Variants in PIGZ observed in about 807,000 individuals in gnomAD.
The protein encoded by PIGZ is phosphatidylinositol glycan anchor biosynthesis class Z (Gwada blood group), also known as GPI alpha-1,2-mannosyltransferase 4.
Under a neutral mutation model 16.4 loss-of-function variants are expected in PIGZ, and 16 were observed. The ratio of observed to expected loss-of-function variants is 0.97; its 90% confidence interval spans 0.66 to 1.48. The LOEUF (loss-of-function observed/expected upper bound fraction) is 1.48, where lower values mean the gene tolerates loss of function less well. PIGZ is among the 40% of genes most tolerant of loss of function. The pLI is 0.00. For missense variants in PIGZ, 770 were observed against 739.2 expected (o/e 1.04, Z -0.48); for synonymous variants, 409 against 338.4 (o/e 1.21, Z -2.29).
chr3:196,964,344 C>T (rs1400194227), intron 1 of PIGZ, among the ~76,000 whole-genome samples: 3 of 152,144 alleles, frequency 2.0e-5, no homozygotes, highest in Non-Finnish European at 2.9e-5. Context: ...CCACCGTGCC[C>T]GGCCTAGCAC....
rs749553975 is a variant in PIGZ, at chr3:196,948,269, G to A, written c.628C>T (p.Arg210Trp). 13 of 1,614,034 alleles carry A rather than the reference G, an allele frequency of 8.1e-6. No individual in the cohort carries two copies. The highest frequency in any genetic ancestry group is 4.5e-5 in the East Asian group (2 of 44,890). ...CCTCCAAGAAGCCAGCTGCGCCACC[G>A]TGGACCCGGCGCCGGCTCCTTGCGT... ...PTRKEPAPGP[R>W]WRSWLLGGIV... Residue 210 changes from arginine to tryptophan, a missense_variant, in exon 3 of 3, where the codon CGG (arginine) becomes TGG (tryptophan). Arg to Trp is a moderately radical substitution (Grantham distance 101). Transcript: ENST00000412723.
intron 1 of PIGZ, among the ~76,000 whole-genome samples, chr3:196,962,930 C>T (rs1364125025): frequency 1.3e-5 from 2 of 152,170 alleles, no homozygotes; most frequent in African/African-American, 2.4e-5. Flanking sequence ...TGCTGAGTGC[C>T]GGTCCCCTGG....
intron 1 of PIGZ, among the ~76,000 whole-genome samples, chr3:196,962,062 T>A (rs929914723): frequency 6.6e-6 from 1 of 152,192 alleles, no homozygotes; most frequent in Admixed American, 6.5e-5. Context: ...GAAAGAGAGA[T>A]CAGACTGTTA....
chr3:196,948,662 CG>C lies in PIGZ; in HGVS notation c.234del (p.Ala79ArgfsTer20). 6.9e-7 allele frequency: 1 copy of C among 1,459,062 alleles called. No homozygotes were observed. Among genetic ancestry groups the C allele is most frequent in the Non-Finnish European group, 9.0e-7 (1 of 1,108,054 alleles). 90.4% of individuals were successfully genotyped at this position (1,459,062 alleles called of 1,614,324 possible). ...VMAEDILGVQ[A>X]ARPWEFYPSS... ...CTGGGGTAAAACTCCCAGGGCCGCGCGGCCTGAACGCCCAGGATGTCCTCTG... is the reference window on the plus strand; with the variant it reads ...CTGGGGTAAAACTCCCAGGGCCGCGCGCCTGAACGCCCAGGATGTCCTCTG... On this transcript the variant is annotated frameshift_variant, in exon 3 of 3. Transcript: ENST00000412723. LOFTEE classifies it low-confidence loss of function (END_TRUNC).
rs1383619669 is a variant in PIGZ, at chr3:196,947,215, C to G, written c.1682G>C (p.Ser561Thr). The change falls in exon 3 of 3, where the codon AGT becomes ACT. Residue 561 changes from serine (S) to threonine (T), a missense_variant. Coordinates refer to ENST00000412723, the MANE Select transcript of PIGZ (RefSeq NM_025163.4). ...EDPPALSSLL[S>T]GAWRDHLSLH... ...ACTGAGGTGGTCCCTCCAAGCCCCA[C>G]TCAGCAAGGAGGACAGGGCTGGTGG... 5 of 1,599,918 alleles carry G rather than the reference C, an allele frequency of 3.1e-6. No individual in the cohort carries two copies. The highest frequency in any genetic ancestry group is 4.3e-6 in the Non-Finnish European group (5 of 1,172,424).
rs766182060 is a variant in PIGZ, at chr3:196,947,532, G to T, written c.1365C>A (p.Pro455=). The T allele has an allele frequency of 2.5e-6, 4 of 1,613,746 alleles. No individual in the cohort carries two copies. The highest frequency in any genetic ancestry group is 3.4e-6 in the Non-Finnish European group (4 of 1,180,000). Residue 455 remains proline, a synonymous_variant, in exon 3 of 3, where the codon CCC becomes CCA. Coordinates refer to ENST00000412723, the MANE Select transcript of PIGZ (RefSeq NM_025163.4). ...VVHAPVLPST[P]THYTLLFTHT... is the part of the protein sequence containing the mutation. Reference sequence around the variant, plus strand: ...GAGTGAAGAGGAGTGTGTAGTGGGTGGGTGTGCTTGGGAGCACAGGGGCAT... The same window carrying T: ...GAGTGAAGAGGAGTGTGTAGTGGGTTGGTGTGCTTGGGAGCACAGGGGCAT...
intron 2 of PIGZ, among the ~76,000 whole-genome samples, chr3:196,949,546 C>A (rs985603537): frequency 6.6e-6 from 1 of 152,244 alleles, no homozygotes; most frequent in African/African-American, 2.4e-5. Context: ...CAGACAAGAA[C>A]TCAGCCCAGT....
chr3:196,955,629 T>C (rs965159865), intron 1 of PIGZ, among the ~76,000 whole-genome samples: 4 of 147,680 alleles, frequency 2.7e-5, no homozygotes, highest in Non-Finnish European at 5.9e-5. Flanking sequence ...CAGGCTGGAG[T>C]GCAGTGGCAT....
intron 1 of PIGZ, among the ~76,000 whole-genome samples, chr3:196,964,546 TG>T (rs1717852995): frequency 6.7e-6 from 1 of 150,046 alleles, no homozygotes; most frequent in Non-Finnish European, 1.5e-5. Context: ...TTAGTAGAGA[TG>T]GGGTTTCACC....
chr3:196,951,055 CTT>C (rs1166688152), intron 2 of PIGZ, among the ~76,000 whole-genome samples: 2 of 152,208 alleles, frequency 1.3e-5, no homozygotes, highest in African/African-American at 4.8e-5. Context: ...TCCTTTGACT[CTT>C]TTTCTGGGCA....
intron 1 of PIGZ, among the ~76,000 whole-genome samples, chr3:196,960,766 A>AG: frequency 6.6e-6 from 1 of 151,974 alleles, no homozygotes; most frequent in Non-Finnish European, 1.5e-5. Flanking sequence ...AAAGAAAGAA[A>AG]AGAAAACAAC....
At chr3:196,962,447 C>T (rs759219864) in intron 1 of PIGZ, among the ~76,000 whole-genome samples, 4 of 152,068 alleles carry the variant, frequency 2.6e-5, no homozygotes, top group Admixed American at 2.6e-4. Context: ...ACATTATAGT[C>T]CCCCAGCCGG....
chr3:196,949,810 G>C (rs1223477049), intron 2 of PIGZ, among the ~76,000 whole-genome samples: 1 of 151,936 alleles, frequency 6.6e-6, no homozygotes, highest in African/African-American at 2.4e-5. Flanking sequence ...CCTCTTCTCA[G>C]GGTTCCAAGA....
Position 196,948,147 on chromosome 3 carries a change from A to G in PIGZ, c.750T>C (p.Gly250=). ...GGGCCTCCCGGGTCAGAGACTTCAA[A>G]CCAGGGTTTGTGGCTCCACGAGTGC... ...LWGTRGATNP[G]LKSLTREALV... is the part of the protein sequence containing the mutation. The change falls in exon 3 of 3, where the codon GGT becomes GGC. Residue 250 remains glycine (G), a synonymous_variant. Coordinates refer to ENST00000412723, the MANE Select transcript of PIGZ (RefSeq NM_025163.4). The G allele has an allele frequency of 6.2e-7, 1 of 1,610,746 alleles. No homozygotes were observed. Among genetic ancestry groups the G allele is most frequent in the Non-Finnish European group, 8.5e-7 (1 of 1,177,882 alleles).
rs1716879472 is a variant in PIGZ at position 196,946,451 on chromosome 3, CCCACTT to C, written c.*700_*705del. The C allele has an allele frequency of 6.6e-6, 1 of 152,280 alleles. No homozygotes were observed. The highest frequency in any genetic ancestry group is 1.5e-5 in the Non-Finnish European group (1 of 68,070). The allele number at this position is 152,280 out of a possible 1,614,324, so 9.4% of individuals were successfully genotyped here. ...GAGTGCCATGAAGTACAACACAACT[CCCACTT>C]CCATGCTTGAAGAGCTTTGTGAGAG... is the stretch of plus-strand genomic sequence containing the variant. On this transcript the variant is annotated 3_prime_UTR_variant, in exon 3 of 3. Transcript: ENST00000412723.
At chr3:196,950,268 A>G (rs554283108) in intron 2 of PIGZ, among the ~76,000 whole-genome samples, 69 of 152,130 alleles carry the variant, frequency 4.5e-4, no homozygotes, top group African/African-American at 1.7e-3. Flanking sequence ...TACAGGCGTG[A>G]GCCACTGCAC....
In PIGZ at chr3:196,957,024, T is replaced by C. The variant is rs568879647; in HGVS notation, c.1-4993A>G. Among the ~76,000 whole-genome samples, 19 of 152,332 alleles carry C rather than the reference T, an allele frequency of 1.2e-4. No homozygotes were observed. The South Asian group carries it at 3.9e-3, about 32-fold the overall frequency. On this transcript the variant is annotated intron_variant, in intron 1 of 2. Coordinates refer to ENST00000412723, the MANE Select transcript of PIGZ (RefSeq NM_025163.4). Reference sequence around the variant, plus strand: ...TATTTAGTGAATTATCTCATTTTCTTTGGAATATTACTGTGGGAATTCTTT... The same window carrying C: ...TATTTAGTGAATTATCTCATTTTCTCTGGAATATTACTGTGGGAATTCTTT...
Position 196,947,054 on chromosome 3 carries a change from A to G in PIGZ, c.*103T>C. 1 of 1,027,354 alleles carries G rather than the reference A, an allele frequency of 9.7e-7. No homozygotes were observed. The highest frequency in any genetic ancestry group is 1.4e-6 in the Non-Finnish European group (1 of 713,758). The allele number at this position is 1,027,354 out of a possible 1,614,324, so 63.6% of individuals were successfully genotyped here. On this transcript the variant is annotated 3_prime_UTR_variant, in exon 3 of 3. Transcript: ENST00000412723. ...GAGGCAGCAGTGGGAGTCATGAAGG[A>G]GGACGGGGTCCTGTCCCAGCGTCCC...
intron 1 of PIGZ, among the ~76,000 whole-genome samples, chr3:196,957,204 T>C (rs1011305395): frequency 6.7e-6 from 1 of 149,136 alleles, no homozygotes; most frequent in South Asian, 2.1e-4. Flanking sequence ...TGTGTGTGTA[T>C]GTGTTTATCT....
Sources: allele counts gnomAD v4.1 joint callset (sites outside exome capture counted in the v4.1 genomes callset), GRCh38; gene constraint gnomAD v4.1.1; transcripts MANE v1.5; gene names NCBI Gene and HGNC (gene_info 2026-07-23, HGNC 2026-07-21).